GNAQ: variants seen among roughly 807,000 people sequenced by gnomAD.
The protein encoded by GNAQ is G protein subunit alpha q.
Under a neutral mutation model 43.9 loss-of-function variants are expected in GNAQ, and 8 were observed. That is an observed-to-expected ratio of 0.18 (90% CI 0.11 to 0.33). The LOEUF (loss-of-function observed/expected upper bound fraction) is 0.33. Among genes scored for constraint, GNAQ ranks in the 10% least tolerant of loss-of-function variants. GNAQ has a pLI of 1.00. For synonymous variants in GNAQ, 155 were observed against 170.7 expected, an observed-to-expected ratio of 0.91 and a Z score of 0.71; for missense variants, 158 against 450.8, an observed-to-expected ratio of 0.35 and a Z score of 5.88.
At chr9:77,961,216 C>T (rs780009137) in intron 1 of GNAQ, among the ~76,000 whole-genome samples, 18 of 152,090 alleles carry the variant, frequency 1.2e-4, no homozygotes, top group Non-Finnish European at 2.5e-4. Context: ...TTTTAACACA[C>T]GACAACAAGG....
intron 2 of GNAQ, among the ~76,000 whole-genome samples, chr9:77,914,660 C>T (rs1828865228): frequency 6.6e-6 from 1 of 151,240 alleles, no homozygotes; most frequent in African/African-American, 2.4e-5. Context: ...AAAACTCCGT[C>T]TCAAAACAAA....
chr9:77,946,282 A>C (rs577735673), intron 1 of GNAQ, among the ~76,000 whole-genome samples: 20 of 152,350 alleles, frequency 1.3e-4, no homozygotes, highest in Middle Eastern at 3.4e-3. Context: ...CCTTATTAGT[A>C]ATCTACCTGT....
intron 5 of GNAQ, among the ~76,000 whole-genome samples, chr9:77,784,378 A>G (rs1301612416): frequency 6.6e-6 from 1 of 152,172 alleles, no homozygotes; most frequent in African/African-American, 2.4e-5. Flanking sequence ...AATTACATAA[A>G]CGGGTTATTC....
intron 2 of GNAQ, among the ~76,000 whole-genome samples, chr9:77,821,724 GGTGT>G (rs1554718670): frequency 3.6e-4 from 51 of 142,398 alleles, no homozygotes; most frequent in African/African-American, 6.3e-4. Flanking sequence ...TCCTAGTATG[GGTGT>G]GTGTGTGTGT....
At chr9:77,734,557 C>T (rs1427808324) in intron 5 of GNAQ, among the ~76,000 whole-genome samples, 1 of 152,132 alleles carries the variant, frequency 6.6e-6, no homozygotes. Context: ...TCTCAGCTGA[C>T]CTGAGGTAGG....
At chr9:77,952,820 T>C (rs1356840995) in intron 1 of GNAQ, among the ~76,000 whole-genome samples, 1 of 152,150 alleles carries the variant, frequency 6.6e-6, no homozygotes, top group Non-Finnish European at 1.5e-5. Context: ...TAAAACAAAA[T>C]ATCAGGTTTC....
intron 2 of GNAQ, among the ~76,000 whole-genome samples, chr9:77,912,547 T>C (rs1361140477): frequency 6.6e-6 from 1 of 152,102 alleles, no homozygotes; most frequent in African/African-American, 2.4e-5. Flanking sequence ...GAAAAAATTA[T>C]AAACTGGGCT....
At chr9:77,971,169 G>A (rs1322583036) in intron 1 of GNAQ, among the ~76,000 whole-genome samples, 1 of 152,172 alleles carries the variant, frequency 6.6e-6, no homozygotes, top group African/African-American at 2.4e-5. Context: ...TCTAGGACCA[G>A]ACGGATTCAC....
At chr9:77,805,086 A>G (rs982402620) in intron 3 of GNAQ, among the ~76,000 whole-genome samples, 2 of 152,200 alleles carry the variant, frequency 1.3e-5, no homozygotes, top group Non-Finnish European at 2.9e-5. Flanking sequence ...AGTGACCTGC[A>G]AAAACAAATG....
intron 1 of GNAQ, among the ~76,000 whole-genome samples, chr9:77,999,620 G>C (rs939980469): frequency 3.3e-5 from 5 of 152,232 alleles, no homozygotes; most frequent in African/African-American, 1.2e-4. Flanking sequence ...ACAAGGGAAA[G>C]ATTCAAGCAA....
intron 1 of GNAQ, among the ~76,000 whole-genome samples, chr9:77,979,122 G>A (rs1385219576): frequency 2.0e-5 from 3 of 152,034 alleles, no homozygotes; most frequent in South Asian, 2.1e-4. Flanking sequence ...TTGGGAGGCC[G>A]AGGTGGGCAG....
intron 5 of GNAQ, among the ~76,000 whole-genome samples, chr9:77,760,741 C>T (rs1825988443): frequency 6.6e-6 from 1 of 151,458 alleles, no homozygotes; most frequent in South Asian, 2.1e-4. Context: ...TGCCCGGCCG[C>T]CATCCCATCT....
At chr9:78,013,788 CTGTT>C (rs1275217905) in intron 1 of GNAQ, among the ~76,000 whole-genome samples, 3 of 152,124 alleles carry the variant, frequency 2.0e-5, no homozygotes, top group Non-Finnish European at 2.9e-5. Context: ...AATCCTGCTT[CTGTT>C]TGTTTTTGTA....
At chr9:77,783,651 A>G (rs2118410288) in intron 5 of GNAQ, among the ~76,000 whole-genome samples, 1 of 152,308 alleles carries the variant, frequency 6.6e-6, no homozygotes, top group East Asian at 1.9e-4. Flanking sequence ...ACTTAGGAAA[A>G]CATGGATCTT....
chr9:77,726,398 A>C (rs1224161879), intron 6 of GNAQ, among the ~76,000 whole-genome samples: 1 of 152,198 alleles, frequency 6.6e-6, no homozygotes, highest in Admixed American at 6.5e-5. Flanking sequence ...AACCTTCAGG[A>C]TCTTACATGT....
At chr9:78,020,052 T>C (rs1295305000) in intron 1 of GNAQ, among the ~76,000 whole-genome samples, 8 of 152,038 alleles carry the variant, frequency 5.3e-5, no homozygotes, top group Non-Finnish European at 7.4e-5. Context: ...ATACATCCAA[T>C]TGATAGGTGC....
chr9:77,738,752 C>T (rs1020753709), intron 5 of GNAQ, among the ~76,000 whole-genome samples: 1 of 152,112 alleles, frequency 6.6e-6, no homozygotes. Context: ...CTTCAACTAA[C>T]TAAAACTAAA....
At chr9:77,857,626 A>T (rs1827777568) in intron 2 of GNAQ, among the ~76,000 whole-genome samples, 1 of 138,718 alleles carries the variant, frequency 7.2e-6, no homozygotes. Flanking sequence ...GGTGGGGAAG[A>T]AAAGGAAGGA....
chr9:77,910,101 T>G (rs555089257), intron 2 of GNAQ, among the ~76,000 whole-genome samples: 2 of 152,214 alleles, frequency 1.3e-5, no homozygotes, highest in Middle Eastern at 3.4e-3. Context: ...AAGCAACAAG[T>G]TTTTAGGTTT....
Sources: gnomAD v4.1 joint callset for allele counts (sites outside exome capture counted in the v4.1 genomes callset) on GRCh38, gnomAD v4.1.1 for gene constraint, MANE v1.5 for transcripts, NCBI Gene and HGNC (gene_info 2026-07-23, HGNC 2026-07-21) for gene names.